The following MMP26 variants were observed in gnomAD, a reference collection of about 807,000 sequenced individuals.
The protein encoded by MMP26 is matrix metalloproteinase-26.
In MMP26, 33 loss-of-function variants were observed where a neutral mutation model predicts 31.0. The ratio of observed to expected loss-of-function variants is 1.06; its 90% CI spans 0.81 to 1.42. MMP26 has a LOEUF of 1.42. Ranked by LOEUF, MMP26 falls within the 40% of genes most tolerant of loss-of-function variation. The pLI, the probability that MMP26 is intolerant of heterozygous loss-of-function variation, is 0.00. For synonymous variants in MMP26, 122 were observed against 114.9 expected, an observed-to-expected ratio of 1.06 and a Z score of -0.40; for missense variants, 347 against 316.1, an observed-to-expected ratio of 1.10 and a Z score of -0.74.
At chr11:4,839,147 G>A (rs1414462628) in intron 2 of MMP26, among the ~76,000 whole-genome samples, 1 of 152,082 alleles carries the variant, frequency 6.6e-6, no homozygotes, top group Non-Finnish European at 1.5e-5. Flanking sequence ...ATTTAAAACA[G>A]CCATAATCAG....
intron 2 of MMP26, chr11:4,849,254 A>C (rs1351943334): frequency 6.4e-7 from 1 of 1,551,026 alleles, no homozygotes; most frequent in Admixed American, 1.9e-5. Flanking sequence ...AAATGATTAG[A>C]AAGGTTTACT....
chr11:4,924,157 C>A (rs751193090), intron 2 of MMP26: 1 of 1,614,146 alleles, frequency 6.2e-7, no homozygotes, highest in Non-Finnish European at 8.5e-7. Context: ...AGAAATAGTA[C>A]ATGGGTCCAT....
chr11:4,860,455 T>C (rs1319026516), intron 2 of MMP26: 1 of 470,464 alleles, frequency 2.1e-6, no homozygotes, highest in Admixed American at 2.4e-5. Flanking sequence ...TGTGAGTGTG[T>C]AGAGAAATCC....
intron 1 of MMP26, among the ~76,000 whole-genome samples, chr11:4,746,392 A>T (rs915730744): frequency 1.5e-4 from 23 of 152,328 alleles, no homozygotes; most frequent in African/African-American, 5.5e-4. Flanking sequence ...AATATTTTTT[A>T]AATTATATCT....
chr11:4,823,663 C>T (rs1849542449), intron 2 of MMP26, among the ~76,000 whole-genome samples: 1 of 152,142 alleles, frequency 6.6e-6, no homozygotes, highest in East Asian at 1.9e-4. Context: ...TCATAGGATT[C>T]TGGGCCAACT....
At chr11:4,819,566 A>ATTTTTTTTTTTTTTTTTTT (rs71050433) in intron 2 of MMP26, among the ~76,000 whole-genome samples, 1 of 50,278 alleles carries the variant, frequency 2.0e-5, no homozygotes, top group African/African-American at 8.8e-5. Flanking sequence ...GAGTCGACTG[A>ATTTTTTTTTTTTTTTTTTT]TTTTTTTTTT....
At chr11:4,888,976 C>G (rs566644858) in intron 2 of MMP26, among the ~76,000 whole-genome samples, 52 of 152,288 alleles carry the variant, frequency 3.4e-4, no homozygotes, top group African/African-American at 1.2e-3. Flanking sequence ...AGTACAATCC[C>G]TGCTTTCATA....
At chr11:4,718,268 A>G (rs1847963034) in intron 1 of MMP26, among the ~76,000 whole-genome samples, 1 of 152,366 alleles carries the variant, frequency 6.6e-6, no homozygotes, top group African/African-American at 2.4e-5. Flanking sequence ...AAAATATCAT[A>G]CAACCCTTTG....
At chr11:4,925,595 A>G (rs1480069915) in intron 2 of MMP26, among the ~76,000 whole-genome samples, 5 of 152,090 alleles carry the variant, frequency 3.3e-5, no homozygotes, top group African/African-American at 2.4e-5. Context: ...GAAAGTCCCT[A>G]GGAGATGAAT....
At chr11:4,888,263 A>G (rs979239551) in intron 2 of MMP26, among the ~76,000 whole-genome samples, 1 of 152,160 alleles carries the variant, frequency 6.6e-6, no homozygotes, top group South Asian at 2.1e-4. Context: ...TAAAAGATAG[A>G]CAAGAAACAA....
intron 1 of MMP26, chr11:4,710,496 C>A (rs1349260709): frequency 2.3e-6 from 1 of 428,306 alleles, no homozygotes; most frequent in East Asian, 7.2e-5. Context: ...CAAAGCATTT[C>A]TTTCTAAGCT....
At chr11:4,934,413 A>G in intron 2 of MMP26, among the ~76,000 whole-genome samples, 1 of 2 alleles carries the variant, frequency 0.5, no homozygotes, top group Non-Finnish European at 0.5. Flanking sequence ...CCACTTTTTG[A>G]TGGGGGTTGT....
At chr11:4,851,273 G>A (rs1006185586) in intron 2 of MMP26, among the ~76,000 whole-genome samples, 3 of 152,144 alleles carry the variant, frequency 2.0e-5, no homozygotes, top group East Asian at 1.9e-4. Flanking sequence ...TCCTGTACTC[G>A]TGAGGCAGCT....
chr11:4,792,987 G>A (rs553782823), intron 2 of MMP26, among the ~76,000 whole-genome samples: 7 of 152,290 alleles, frequency 4.6e-5, no homozygotes, highest in African/African-American at 1.4e-4. Context: ...TAAAATTAGA[G>A]TGATTATCTC....
intron 2 of MMP26, among the ~76,000 whole-genome samples, chr11:4,903,293 T>C (rs1440992114): frequency 6.6e-6 from 1 of 152,240 alleles, no homozygotes; most frequent in East Asian, 1.9e-4. Context: ...ATTTCAATGT[T>C]AATATTTTGC....
At chr11:4,952,989 G>T (rs1846388920) in intron 2 of MMP26, among the ~76,000 whole-genome samples, 2 of 124,160 alleles carry the variant, frequency 1.6e-5, no homozygotes, top group African/African-American at 5.5e-5. Context: ...TGATGGAAAT[G>T]ACTTGATTCA....
intron 1 of MMP26, among the ~76,000 whole-genome samples, chr11:4,765,596 T>G (rs1848618685): frequency 6.6e-6 from 1 of 152,210 alleles, no homozygotes; most frequent in Non-Finnish European, 1.5e-5. Context: ...ATCGTAGCTC[T>G]GGCTTTTGGT....
intron 2 of MMP26, among the ~76,000 whole-genome samples, chr11:4,792,108 G>A (rs1047776197): frequency 2.0e-5 from 3 of 151,308 alleles, no homozygotes; most frequent in Admixed American, 6.6e-5. Flanking sequence ...CTTTATAGAA[G>A]TGACAAGAGG....
intron 2 of MMP26, among the ~76,000 whole-genome samples, chr11:4,964,431 G>C (rs2133624369): frequency 6.6e-6 from 1 of 152,128 alleles, no homozygotes; most frequent in South Asian, 2.1e-4. Flanking sequence ...TAGGTATATG[G>C]TCTTATTTCT....
Sources: allele counts gnomAD v4.1 joint callset (sites outside exome capture counted in the v4.1 genomes callset), GRCh38; gene constraint gnomAD v4.1.1; transcripts MANE v1.5; gene names NCBI Gene and HGNC (gene_info 2026-07-23, HGNC 2026-07-21).